The following LRP1B variants were observed in gnomAD, a reference collection of about 807,000 sequenced individuals.
LRP1B encodes the protein LDL receptor related protein 1B, also known as low-density lipoprotein receptor-related protein 1B.
Under a neutral mutation model 556.6 loss-of-function variants are expected in LRP1B, and 217 were observed. The ratio of observed to expected loss-of-function variants is 0.39; its 90% CI spans 0.35 to 0.44. The LOEUF (loss-of-function observed/expected upper bound fraction) is 0.44, where lower values mean the gene tolerates loss of function less well. Ranked by LOEUF, LRP1B falls within the 20% of genes least tolerant of loss-of-function variation. The pLI is 1.00. For missense variants in LRP1B, 5,053 were observed against 5,620.8 expected (o/e 0.90, Z 3.23); for synonymous variants, 2,047 against 1,865.8 (o/e 1.10, Z -2.50).
At chr2:141,723,703 T>C (rs1163442365) in intron 2 of LRP1B, among the ~76,000 whole-genome samples, 1 of 151,920 alleles carries the variant, frequency 6.6e-6, no homozygotes, top group Non-Finnish European at 1.5e-5. Context: ...AAAGAGATAT[T>C]GATAAAAATT....
intron 41 of LRP1B, among the ~76,000 whole-genome samples, chr2:140,638,396 GGTAAT>G (rs1684151405): frequency 6.6e-6 from 1 of 152,128 alleles, no homozygotes; most frequent in Admixed American, 6.6e-5. Context: ...AGACAATTCA[GGTAAT>G]TCTGTGGCGA....
intron 3 of LRP1B, among the ~76,000 whole-genome samples, chr2:141,314,326 T>C (rs1373931339): frequency 6.6e-6 from 1 of 152,160 alleles, no homozygotes; most frequent in Non-Finnish European, 1.5e-5. Flanking sequence ...ATAAATGCAA[T>C]TACATAATTT....
chr2:141,897,946 G>T (rs902665492), intron 1 of LRP1B, among the ~76,000 whole-genome samples: 1 of 152,180 alleles, frequency 6.6e-6, no homozygotes, highest in East Asian at 1.9e-4. Flanking sequence ...GTCTGACAGT[G>T]ACCATACAGA....
At chr2:140,429,311 C>T (rs551595260) in intron 66 of LRP1B, among the ~76,000 whole-genome samples, 4 of 152,276 alleles carry the variant, frequency 2.6e-5, no homozygotes, top group East Asian at 1.9e-4. Flanking sequence ...TGCCTATCCA[C>T]CCCATAGTGC....
chr2:140,819,894 A>T (rs1691261498), intron 31 of LRP1B, among the ~76,000 whole-genome samples: 1 of 152,212 alleles, frequency 6.6e-6, no homozygotes, highest in Non-Finnish European at 1.5e-5. Flanking sequence ...ATTTTCTTAT[A>T]AAATTCAGCA....
chr2:140,311,052 G>A (rs1684274576), intron 83 of LRP1B, among the ~76,000 whole-genome samples: 2 of 151,862 alleles, frequency 1.3e-5, no homozygotes, highest in East Asian at 1.9e-4. Context: ...GTAGAGACAA[G>A]GGAACACTTA....
chr2:140,533,647 T>A (rs541435657), intron 47 of LRP1B, among the ~76,000 whole-genome samples: 1 of 152,066 alleles, frequency 6.6e-6, no homozygotes, highest in South Asian at 2.1e-4. Flanking sequence ...AACACCAAAG[T>A]TTCCCGTCCA....
intron 17 of LRP1B, among the ~76,000 whole-genome samples, chr2:140,985,988 ATTTTTT>A (rs1413034299): frequency 1.3e-5 from 2 of 151,288 alleles, no homozygotes; most frequent in Non-Finnish European, 3.0e-5. Context: ...ATTTGTTTTT[ATTTTTT>A]TAATTTCTGG....
chr2:140,438,629 C>T (rs1686293657), intron 66 of LRP1B, among the ~76,000 whole-genome samples: 1 of 152,066 alleles, frequency 6.6e-6, no homozygotes, highest in African/African-American at 2.4e-5. Flanking sequence ...GCGGAAAATA[C>T]AAAGATACTG....
intron 6 of LRP1B, among the ~76,000 whole-genome samples, chr2:141,209,036 T>A (rs1363566493): frequency 6.6e-6 from 1 of 151,528 alleles, no homozygotes; most frequent in East Asian, 2.0e-4. Context: ...TATACACTCA[T>A]ATTACATCCT....
intron 44 of LRP1B, 107 bp from the exon 45 acceptor site, chr2:140,541,205 G>T: frequency 3.2e-6 from 3 of 940,388 alleles, no homozygotes; most frequent in Non-Finnish European, 4.7e-6. Context: ...TCAATAATAT[G>T]TCATTAAAAA....
At chr2:141,786,433 C>T (rs138864334) in intron 2 of LRP1B, among the ~76,000 whole-genome samples, 65 of 151,810 alleles carry the variant, frequency 4.3e-4, no homozygotes, top group African/African-American at 1.2e-3. Context: ...TTTTGAAAGC[C>T]GAAAACCAAT....
chr2:140,322,153 A>T (rs1680174070), intron 81 of LRP1B, 65 bp from the exon 82 acceptor site: 3 of 1,467,476 alleles, frequency 2.0e-6, no homozygotes, highest in South Asian at 1.2e-5. Context: ...AAAAGCATAA[A>T]ATTAAATAAG....
At position 140,470,967 on chromosome 2, in the gene LRP1B, G is replaced by A. The variant is rs796951068; in HGVS notation, c.9625+4171C>T. On this transcript the variant is annotated intron_variant, in intron 60 of 90. Coordinates refer to ENST00000389484, the MANE Select transcript of LRP1B (RefSeq NM_018557.3). The stretch of plus-strand genomic sequence containing the variant: ...GAAAGATCAGTACTCCAGCAAAGGC[G>A]TATTACTTCTTATCTAAAATCAAAG... Among the ~76,000 whole-genome samples, 4 of 152,250 alleles carry A rather than the reference G, an allele frequency of 2.6e-5. No homozygotes were observed. The East Asian group carries it at 5.8e-4, about 22-fold the overall frequency.
At chr2:140,912,326 T>C (rs568995467) in intron 21 of LRP1B, among the ~76,000 whole-genome samples, 29 of 151,828 alleles carry the variant, frequency 1.9e-4, no homozygotes, top group African/African-American at 5.1e-4. Flanking sequence ...AATCAAGTCA[T>C]TGGACATAAA....
chr2:141,789,680 T>C (rs1330057874), intron 2 of LRP1B, among the ~76,000 whole-genome samples: 1 of 152,032 alleles, frequency 6.6e-6, no homozygotes, highest in Admixed American at 6.6e-5. Context: ...CTGTTTATAC[T>C]TTCCAGTTTC....
intron 7 of LRP1B, among the ~76,000 whole-genome samples, chr2:141,106,901 A>G (rs971140704): frequency 6.6e-6 from 1 of 152,230 alleles, no homozygotes; most frequent in Non-Finnish European, 1.5e-5. Flanking sequence ...TACATGAGAA[A>G]GAATATTCCT....
intron 3 of LRP1B, among the ~76,000 whole-genome samples, chr2:141,416,415 G>C (rs1445944576): frequency 6.7e-6 from 1 of 149,962 alleles, no homozygotes; most frequent in Non-Finnish European, 1.5e-5. Flanking sequence ...ACAACTCCTA[G>C]CCCACAGTAA....
chr2:140,950,327 C>T lies in LRP1B; in HGVS notation c.3044G>A (p.Ser1015Asn), dbSNP rs761750344. ...SCFDNQFRCS[S>N]GRCIPGHWAC... is the part of the protein sequence containing the mutation. ...CCAGTGGCCTGGGATGCATCTGCCA[C>T]TGGAACATCTGAACTGATTATCAAA... The change falls in exon 20 of 91, where the codon AGT becomes AAT. Residue 1015 changes from serine (S) to asparagine (N), a missense_variant. This residue lies in a region of LRP1B where 3,619 missense variants were observed against 3,931.9 expected (regional missense o/e 0.92). Transcript: ENST00000389484. 6.2e-7 allele frequency: 1 copy of T among 1,613,272 alleles called. No individual in the cohort carries two copies. Among genetic ancestry groups the T allele is most frequent in the Non-Finnish European group, 8.5e-7 (1 of 1,179,610 alleles).
Sources: allele counts gnomAD v4.1 joint callset (sites outside exome capture counted in the v4.1 genomes callset), GRCh38; gene constraint gnomAD v4.1.1; regional missense constraint gnomAD v4.1.1; transcripts MANE v1.5; gene names NCBI Gene and HGNC (gene_info 2026-07-23, HGNC 2026-07-21).